Variants in BORCS5 observed in about 807,000 individuals in gnomAD.
The protein encoded by BORCS5 is BLOC-1-related complex subunit 5.
A neutral mutation model predicts 22.1 loss-of-function variants in BORCS5; 17 were observed. That is an observed-to-expected ratio of 0.77 (90% CI 0.53 to 1.15). The LOEUF (loss-of-function observed/expected upper bound fraction) is 1.15. BORCS5 is among the 50% of genes most tolerant of loss of function. BORCS5 has a pLI of 0.00. For missense variants in BORCS5, 247 were observed against 253.2 expected (o/e 0.98, Z 0.17); for synonymous variants, 117 against 99.8 (o/e 1.17, Z -1.03).
chr12:12,396,633 TG>T (rs954262578), intron 2 of BORCS5, among the ~76,000 whole-genome samples: 1 of 150,230 alleles, frequency 6.7e-6, no homozygotes, highest in Non-Finnish European at 1.5e-5. Context: ...TTGGAGGGAG[TG>T]GGGGGTGGGG....
intron 3 of BORCS5, among the ~76,000 whole-genome samples, chr12:12,449,731 A>G (rs527294339): frequency 1.6e-4 from 25 of 152,340 alleles, no homozygotes; most frequent in African/African-American, 6.0e-4. Context: ...GTATGTGGAA[A>G]TCGATGCCGT....
At chr12:12,392,469 A>G (rs950286294) in intron 2 of BORCS5, among the ~76,000 whole-genome samples, 1 of 152,120 alleles carries the variant, frequency 6.6e-6, no homozygotes, top group Non-Finnish European at 1.5e-5. Flanking sequence ...GTTTAATACT[A>G]TGCAAGGCAG....
chr12:12,376,755 C>T lies in BORCS5; in HGVS notation c.202+15406C>T, dbSNP rs1037337999. The stretch of plus-strand genomic sequence containing the variant: ...TTTGCCATTTTTAAAATAAGATGGC[C>T]TTCCTTTAGTGTAGTAATTAAATTT... On this transcript the variant is annotated intron_variant, in intron 2 of 3. Coordinates refer to ENST00000314565, the MANE Select transcript of BORCS5 (RefSeq NM_058169.6). Among the ~76,000 whole-genome samples the T allele has an allele frequency of 5.3e-5, 8 of 152,100 alleles. No homozygotes were observed. In the East Asian group the frequency reaches 1.5e-3, roughly 29 times the overall value.
At chr12:12,392,065 AAT>A (rs1555147778) in intron 2 of BORCS5, among the ~76,000 whole-genome samples, 1 of 150,490 alleles carries the variant, frequency 6.6e-6, no homozygotes, top group East Asian at 1.9e-4. Flanking sequence ...AAAAAAAAAA[AAT>A]AGAGACAAAG....
At chr12:12,430,901 G>A (rs1345975434) in intron 2 of BORCS5, among the ~76,000 whole-genome samples, 1 of 152,070 alleles carries the variant, frequency 6.6e-6, no homozygotes, top group African/African-American at 2.4e-5. Flanking sequence ...AGTACATAGA[G>A]AGCGCCCTCA....
intron 2 of BORCS5, among the ~76,000 whole-genome samples, chr12:12,385,107 T>C (rs1863853536): frequency 6.6e-6 from 1 of 151,462 alleles, no homozygotes; most frequent in Non-Finnish European, 1.5e-5. Flanking sequence ...TCTTATCTTT[T>C]GTTCACTGCT....
chr12:12,404,352 G>A (rs950838133), intron 2 of BORCS5, among the ~76,000 whole-genome samples: 1 of 152,174 alleles, frequency 6.6e-6, no homozygotes, highest in Non-Finnish European at 1.5e-5. Flanking sequence ...TGTTCTGGAG[G>A]CTGGGAAGTT....
intron 2 of BORCS5, among the ~76,000 whole-genome samples, chr12:12,375,524 A>G (rs970667413): frequency 7.9e-5 from 12 of 152,160 alleles, no homozygotes; most frequent in Non-Finnish European, 1.3e-4. Context: ...GGAGGCTGAG[A>G]TGGGAAGCTC....
intron 3 of BORCS5, among the ~76,000 whole-genome samples, chr12:12,438,360 CA>C (rs57737663): frequency 7.4e-3 from 177 of 23,812 alleles, no homozygotes; most frequent in African/African-American, 0.027. Context: ...GATTTCATCT[CA>C]AAAAAAAAAA....
intron 2 of BORCS5, among the ~76,000 whole-genome samples, chr12:12,370,982 C>T (rs919021557): frequency 1.3e-5 from 2 of 152,196 alleles, no homozygotes; most frequent in African/African-American, 4.8e-5. Context: ...ATCTCCTGAC[C>T]TTGTGATCCG....
chr12:12,388,598 A>G (rs777989566), intron 2 of BORCS5, among the ~76,000 whole-genome samples: 3 of 150,326 alleles, frequency 2.0e-5, no homozygotes, highest in Non-Finnish European at 3.0e-5. Flanking sequence ...ATAATTATAC[A>G]AAAAGGGAAA....
chr12:12,434,281 C>CAA (rs139357200), intron 2 of BORCS5, among the ~76,000 whole-genome samples: 141 of 76,240 alleles, frequency 1.8e-3, no homozygotes, highest in African/African-American at 2.7e-3. Flanking sequence ...GACTCTGTCT[C>CAA]AAAAAAAAAA....
Position 12,468,220 on chromosome 12 carries a change from T to C in BORCS5, c.*2444T>C, listed in dbSNP as rs4763289. On this transcript the variant is annotated 3_prime_UTR_variant, in exon 4 of 4. Coordinates refer to ENST00000314565, the MANE Select transcript of BORCS5 (RefSeq NM_058169.6). Reference sequence around the variant, plus strand: ...TCACAATCCTCTCTTTCTACATCATTCCTAGTGGTTCTTTTCTGATGGAAC... The same window carrying C: ...TCACAATCCTCTCTTTCTACATCATCCCTAGTGGTTCTTTTCTGATGGAAC... The C allele has an allele frequency of 0.074, 11,230 of 152,224 alleles. 452 individuals carry two copies. The highest frequency in any genetic ancestry group is 0.099 in the Middle Eastern group (29 of 294). 9.4% of individuals were successfully genotyped at this position (152,224 alleles called of 1,614,324 possible).
chr12:12,414,707 C>G (rs1941876409), intron 2 of BORCS5, among the ~76,000 whole-genome samples: 1 of 132,438 alleles, frequency 7.6e-6, no homozygotes, highest in African/African-American at 3.0e-5. Flanking sequence ...CCACCTCCCT[C>G]CCGGATGGGG....
In BORCS5 at chr12:12,452,435, G is replaced by A. The variant is rs1592138585; in HGVS notation, c.361-13111G>A. ...AAATCCATAGGGCTGGTAGAACTTG[G>A]AGAGCCGCGGTTTCCCATGATTGTT... is the stretch of plus-strand genomic sequence containing the variant. On this transcript the variant is annotated intron_variant, in intron 3 of 3. Coordinates refer to ENST00000314565, the MANE Select transcript of BORCS5 (RefSeq NM_058169.6). 5.6e-6 allele frequency: 3 copies of A among 534,342 alleles called. No individual in the cohort carries two copies. In the East Asian group the frequency reaches 1.5e-4, roughly 27 times the overall value. The allele number at this position is 534,342 out of a possible 1,614,324, so 33.1% of individuals were successfully genotyped here.
chr12:12,386,843 T>C (rs1280446349), intron 2 of BORCS5, among the ~76,000 whole-genome samples: 2 of 151,094 alleles, frequency 1.3e-5, no homozygotes, highest in Non-Finnish European at 3.0e-5. Flanking sequence ...TTGAGTCTTT[T>C]TATGTTCCAA....
intron 3 of BORCS5, among the ~76,000 whole-genome samples, chr12:12,462,930 G>A (rs542082630): frequency 1.9e-5 from 2 of 105,230 alleles, no homozygotes; most frequent in South Asian, 5.0e-4. Context: ...GTTCTGGTAT[G>A]AGCCACCACG....
At chr12:12,455,908 T>G (rs1157005893) in intron 3 of BORCS5, among the ~76,000 whole-genome samples, 2 of 152,254 alleles carry the variant, frequency 1.3e-5, no homozygotes, top group Non-Finnish European at 2.9e-5. Context: ...TGAATTTTGT[T>G]AACTGTGAAA....
At position 12,394,437 on chromosome 12, in the gene BORCS5, C is replaced by T. The variant is rs547233910; in HGVS notation, c.202+33088C>T. Reference sequence around the variant, plus strand: ...CATGGGATTTAACTATTTTGGTGACCTGTAGGCCATTTTTGGTTTTCCCTG... The same window carrying T: ...CATGGGATTTAACTATTTTGGTGACTTGTAGGCCATTTTTGGTTTTCCCTG... On this transcript the variant is annotated intron_variant, in intron 2 of 3. Transcript: ENST00000314565. Among the ~76,000 whole-genome samples, 3 of 152,104 alleles carry T rather than the reference C, an allele frequency of 2.0e-5. No homozygotes were observed. The East Asian group carries it at 5.8e-4, about 29-fold the overall frequency.
Sources: gnomAD v4.1 joint callset for allele counts (sites outside exome capture counted in the v4.1 genomes callset) on GRCh38, gnomAD v4.1.1 for gene constraint, MANE v1.5 for transcripts, NCBI Gene and HGNC (gene_info 2026-07-23, HGNC 2026-07-21) for gene names.